The following PCDHGA4 variants were observed in gnomAD, a reference collection of about 807,000 sequenced individuals.
PCDHGA4 encodes protocadherin gamma subfamily A, 4, also known as protocadherin gamma-A4.
Under a neutral mutation model 54.6 loss-of-function variants are expected in PCDHGA4, and 38 were observed. The observed-to-expected ratio is 0.70, with a 90% CI of 0.54 to 0.91. The LOEUF (loss-of-function observed/expected upper bound fraction) is 0.91, where lower values mean the gene tolerates loss of function less well. Ranked by LOEUF, PCDHGA4 falls within the 40% of genes least tolerant of loss-of-function variation. The pLI, the probability that PCDHGA4 is intolerant of heterozygous loss-of-function variation, is 0.00. For synonymous variants in PCDHGA4, 511 were observed against 512.9 expected (o/e 1.00, Z 0.05); for missense variants, 1,298 against 1,220.9 (o/e 1.06, Z -0.94).
At chr5:141,425,457 T>G (rs936918643) in intron 1 of PCDHGA4, among the ~76,000 whole-genome samples, 6 of 152,318 alleles carry the variant, frequency 3.9e-5, no homozygotes, top group Admixed American at 6.5e-5. Flanking sequence ...ACCATCACAT[T>G]TCATGTTATT....
chr5:141,360,388 C>T, intron 1 of PCDHGA4: 3 of 1,613,908 alleles, frequency 1.9e-6, no homozygotes, highest in Non-Finnish European at 2.5e-6. Flanking sequence ...CGGAGACTTA[C>T]TTGTGAGTGA....
In PCDHGA4 at chr5:141,383,217, T is replaced by C. The variant is rs367646444; in HGVS notation, c.2514+25596T>C. The stretch of plus-strand genomic sequence containing the variant: ...AGAGTGCGCGGTGTCTGGTAAACTT[T>C]AACATCCTGATGGAAGATAAAATGA... On this transcript the variant is annotated intron_variant, in intron 1 of 3. Coordinates refer to ENST00000571252, the MANE Select transcript of PCDHGA4 (RefSeq NM_018917.4). 8.1e-6 allele frequency: 13 copies of C among 1,613,876 alleles called. 1 individual carries two copies. The Admixed American group carries it at 1.0e-4, about 12-fold the overall frequency.
In PCDHGA4 at chr5:141,476,208, C is replaced by A. The variant is rs1266601125; in HGVS notation, c.2515-18599C>A. 1.2e-6 allele frequency: 2 copies of A among 1,613,912 alleles called. No homozygotes were observed. Among genetic ancestry groups the A allele is most frequent in the East Asian group, 4.5e-5 (2 of 44,826 alleles). On this transcript the variant is annotated intron_variant, in intron 1 of 3. Coordinates refer to ENST00000571252, the MANE Select transcript of PCDHGA4 (RefSeq NM_018917.4). The surrounding 1 kb of genome is among the most constrained non-coding windows in gnomAD (Gnocchi z 7.6). ...CTTGGTGCCTTGAACAAGGCTTCCA[C>A]GGTCATTCACTATGAGATCCCGGAG...
chr5:141,364,428 A>G (rs1358594302), intron 1 of PCDHGA4: 1 of 1,613,750 alleles, frequency 6.2e-7, no homozygotes, highest in South Asian at 1.1e-5. Flanking sequence ...CAGATCCGCT[A>G]CTCGATGCCG....
intron 1 of PCDHGA4, chr5:141,399,869 G>A: frequency 1.2e-6 from 2 of 1,612,822 alleles, no homozygotes; most frequent in Non-Finnish European, 8.5e-7. Context: ...GCAGAGCCCG[G>A]CTACCTGGTG....
At chr5:141,394,568 C>T (rs373695437) in intron 1 of PCDHGA4, 2 of 1,614,072 alleles carry the variant, frequency 1.2e-6, no homozygotes, top group African/African-American at 2.7e-5. Context: ...CAGAGCGTGG[C>T]TACCTGGTGA....
intron 2 of PCDHGA4, among the ~76,000 whole-genome samples, chr5:141,504,359 A>C (rs988295720): frequency 2.6e-5 from 4 of 152,044 alleles, no homozygotes; most frequent in African/African-American, 9.7e-5. Flanking sequence ...TAGGTGCTTC[A>C]GTAGGAAGCA....
intron 3 of PCDHGA4, among the ~76,000 whole-genome samples, chr5:141,505,720 G>A (rs1251781594): frequency 2.2e-4 from 34 of 152,212 alleles, no homozygotes; most frequent in Non-Finnish European, 2.9e-5. Context: ...GACTCATGGA[G>A]GGAATAGTGG....
At chr5:141,389,757 C>T in intron 1 of PCDHGA4, 2 of 1,612,818 alleles carry the variant, frequency 1.2e-6, no homozygotes, top group East Asian at 2.2e-5. Flanking sequence ...GGGCGAAGTG[C>T]GCACAGCGCG....
intron 1 of PCDHGA4, chr5:141,382,939 T>G: frequency 6.3e-7 from 1 of 1,594,910 alleles, no homozygotes; most frequent in Non-Finnish European, 8.6e-7. Context: ...CAGAGGATTC[T>G]TCCTGCTCTC....
intron 2 of PCDHGA4, among the ~76,000 whole-genome samples, chr5:141,499,576 G>C (rs2099792836): frequency 1.3e-5 from 2 of 151,790 alleles, no homozygotes; most frequent in Non-Finnish European, 2.9e-5. Context: ...TTCAACTAAT[G>C]CCTTATCTTG....
Position 141,361,369 on chromosome 5 carries a change from C to T in PCDHGA4, c.2514+3748C>T, listed in dbSNP as rs768974376. On this transcript the variant is annotated intron_variant, in intron 1 of 3. Transcript: ENST00000571252. ...ACTAGTGACAGACGGCGCTCTGGACCGGGAGGAGATCCCAGAATACAATCT... is the reference window on the plus strand; with the variant it reads ...ACTAGTGACAGACGGCGCTCTGGACTGGGAGGAGATCCCAGAATACAATCT... 5.0e-6 allele frequency: 8 copies of T among 1,613,946 alleles called. 1 individual carries two copies. In the South Asian group the frequency reaches 8.8e-5, roughly 18 times the overall value.
At chr5:141,404,063 G>A in intron 1 of PCDHGA4, 1 of 1,613,798 alleles carries the variant, frequency 6.2e-7, no homozygotes, top group Non-Finnish European at 8.5e-7. Context: ...TCTTTTCAAT[G>A]CTCATGACCG....
intron 1 of PCDHGA4, chr5:141,422,581 G>C: frequency 6.2e-7 from 1 of 1,613,984 alleles, no homozygotes; most frequent in Non-Finnish European, 8.5e-7. Context: ...TAACCCTCCC[G>C]TTTTTCCTCA....
chr5:141,504,241 A>G (rs1282647590), intron 2 of PCDHGA4, among the ~76,000 whole-genome samples: 1 of 152,156 alleles, frequency 6.6e-6, no homozygotes, highest in Non-Finnish European at 1.5e-5. Flanking sequence ...AGAAGCAGAG[A>G]GTTCTTCTTA....
At chr5:141,381,820 C>CT (rs1279410534) in intron 1 of PCDHGA4, among the ~76,000 whole-genome samples, 1,304 of 119,684 alleles carry the variant, frequency 0.011, 14 homozygotes, top group African/African-American at 0.028. Context: ...TTCTTTCTTT[C>CT]TTCTTCTTTT....
At chr5:141,393,590 G>C (rs778378242) in intron 1 of PCDHGA4, 2 of 1,613,896 alleles carry the variant, frequency 1.2e-6, no homozygotes, top group South Asian at 1.1e-5. Context: ...CCCCAGGCAC[G>C]CGGCTGCTTA....
intron 1 of PCDHGA4, chr5:141,374,343 C>A (rs753543776): frequency 6.2e-7 from 1 of 1,613,990 alleles, no homozygotes; most frequent in Admixed American, 1.7e-5. Flanking sequence ...TTGGTCACCG[C>A]GGGTAGGATA....
Position 141,485,757 on chromosome 5 carries a change from T to A in PCDHGA4, c.2515-9050T>A. The A allele has an allele frequency of 6.2e-7, 1 of 1,614,174 alleles. No homozygotes were observed. The highest frequency in any genetic ancestry group is 8.5e-7 in the Non-Finnish European group (1 of 1,180,028). The stretch of plus-strand genomic sequence containing the variant: ...GACGGCAGCCTGGTCCCAGAGCTGC[T>A]CCTGGAGAAGCCTTTGGATCGAGAG... On this transcript the variant is annotated intron_variant, in intron 1 of 3. Transcript: ENST00000571252. The surrounding 1 kb of genome is among the most constrained non-coding windows in gnomAD (Gnocchi z 5.7).
Sources: gnomAD v4.1 joint callset for allele counts (sites outside exome capture counted in the v4.1 genomes callset) on GRCh38, gnomAD v4.1.1 for gene constraint, Gnocchi (gnomAD v3.1) non-coding constraint, MANE v1.5 for transcripts, NCBI Gene and HGNC (gene_info 2026-07-23, HGNC 2026-07-21) for gene names.